LGALS2: variants seen among roughly 807,000 people sequenced by gnomAD.
LGALS2 encodes galectin-2.
A neutral mutation model predicts 10.1 loss-of-function variants in LGALS2; 7 were observed. The observed-to-expected ratio is 0.70, with a 90% CI of 0.40 to 1.31. LGALS2 has a LOEUF of 1.31. Ranked by LOEUF, LGALS2 falls within the 50% of genes most tolerant of loss-of-function variation. LGALS2 has a pLI of 0.01. For missense variants in LGALS2, 167 were observed against 163.6 expected (o/e 1.02, Z -0.11); for synonymous variants, 86 against 64.2 (o/e 1.34, Z -1.63).
At chr22:37,574,678 G>A (rs1925614773) in intron 1 of LGALS2, among the ~76,000 whole-genome samples, 1 of 152,026 alleles carries the variant, frequency 6.6e-6, no homozygotes, top group African/African-American at 2.4e-5. Flanking sequence ...GAAAAAGCAT[G>A]ATCTGAGATG....
At chr22:37,573,125 G>A (rs1925554986) in intron 1 of LGALS2, among the ~76,000 whole-genome samples, 1 of 149,162 alleles carries the variant, frequency 6.7e-6, no homozygotes, top group Non-Finnish European at 1.5e-5. Context: ...GCAAAAATTA[G>A]CCAGGTGTGG....
chr22:37,575,779 C>G (rs1248345310), intron 1 of LGALS2, among the ~76,000 whole-genome samples: 2 of 152,136 alleles, frequency 1.3e-5, no homozygotes. Flanking sequence ...ATAAGAGACG[C>G]CTGGAGGAGG....
chr22:37,575,706 C>T (rs959629719), intron 1 of LGALS2, among the ~76,000 whole-genome samples: 5 of 151,950 alleles, frequency 3.3e-5, no homozygotes, highest in Non-Finnish European at 5.9e-5. Flanking sequence ...CCTCCCACCT[C>T]GGCCTCCCAA....
At chr22:37,577,220 C>G (rs569154060) in intron 1 of LGALS2, among the ~76,000 whole-genome samples, 1 of 152,238 alleles carries the variant, frequency 6.6e-6, no homozygotes, top group East Asian at 1.9e-4. Context: ...CAGTCCTCCC[C>G]GAGAGGCAGA....
At chr22:37,576,016 C>G (rs895352732) in intron 1 of LGALS2, among the ~76,000 whole-genome samples, 1 of 152,202 alleles carries the variant, frequency 6.6e-6, no homozygotes, top group East Asian at 1.9e-4. Flanking sequence ...TGTCTCCAGA[C>G]AGGGTCCGTT....
chr22:37,575,750 C>T (rs908384962), intron 1 of LGALS2, among the ~76,000 whole-genome samples: 9 of 152,258 alleles, frequency 5.9e-5, no homozygotes, highest in Non-Finnish European at 1.2e-4. Context: ...CCACTGTGCC[C>T]GGCCTGGCAG....
chr22:37,579,764 G>T, intron 1 of LGALS2, 136 bp downstream of exon 1: 2 of 905,852 alleles, frequency 2.2e-6, no homozygotes, highest in Non-Finnish European at 3.3e-6. Flanking sequence ...AAAGACCTCT[G>T]TCCAACTTCT....
chr22:37,572,045 C>T, intron 1 of LGALS2, 114 bp from the exon 2 acceptor site: 1 of 838,122 alleles, frequency 1.2e-6, no homozygotes, highest in Non-Finnish European at 2.0e-6. Context: ...ATCCCCCTGC[C>T]CACGTGAGGA....
chr22:37,572,967 A>G (rs1183144983), intron 1 of LGALS2, among the ~76,000 whole-genome samples: 3 of 145,020 alleles, frequency 2.1e-5, no homozygotes, highest in Non-Finnish European at 4.5e-5. Flanking sequence ...GTGACTTTTC[A>G]TCTCAAAGAA....
chr22:37,575,501 C>T (rs1925646860), intron 1 of LGALS2, among the ~76,000 whole-genome samples: 1 of 152,144 alleles, frequency 6.6e-6, no homozygotes, highest in Non-Finnish European at 1.5e-5. Flanking sequence ...TGCTCTGTCA[C>T]CCAGGCTAGA....
At position 37,574,261 on chromosome 22, in the gene LGALS2, A is replaced by G. The variant is rs577005075; in HGVS notation, c.7-2330T>C. ...CTGGGAGCGGTGGCTCACGCCTGTAATCCCAGCACTTTGGGAGGCTGAGTC... is the reference window on the plus strand; with the variant it reads ...CTGGGAGCGGTGGCTCACGCCTGTAGTCCCAGCACTTTGGGAGGCTGAGTC... On this transcript the variant is annotated intron_variant, in intron 1 of 3. Transcript: ENST00000215886. Among the ~76,000 whole-genome samples the G allele has an allele frequency of 9.1e-3, 1,376 of 151,752 alleles. 24 individuals carry two copies. The highest frequency in any genetic ancestry group is 0.031 in the African/African-American group (1,304 of 41,444).
intron 2 of LGALS2, 45 bp from the exon 3 acceptor site, chr22:37,570,780 G>A (rs200522992): frequency 1.4e-5 from 23 of 1,611,088 alleles, no homozygotes; most frequent in Non-Finnish European, 1.7e-5. Context: ...CTCAGGCCTG[G>A]ATAAAGCAGC....
At chr22:37,577,188 G>C (rs968725) in intron 1 of LGALS2, among the ~76,000 whole-genome samples, 131,657 of 151,944 alleles carry the variant, frequency 0.87, 57,437 homozygotes, top group Admixed American at 0.91. Context: ...AAGAGAAGGT[G>C]GGGAGAGTCC....
chr22:37,576,525 C>T (rs1925687437), intron 1 of LGALS2, among the ~76,000 whole-genome samples: 1 of 151,670 alleles, frequency 6.6e-6, no homozygotes, highest in Admixed American at 6.6e-5. Flanking sequence ...TGAGGTTATC[C>T]AGTGAGGACA....
Position 37,571,870 on chromosome 22 carries a change from C to G in LGALS2, c.68G>C (p.Ser23Thr), listed in dbSNP as rs1203777961. The G allele has an allele frequency of 6.2e-7, 1 of 1,614,124 alleles. No individual in the cohort carries two copies. The highest frequency in any genetic ancestry group is 8.5e-7 in the Non-Finnish European group (1 of 1,179,946). Residue 23 changes from serine to threonine, a missense_variant, in exon 2 of 4, where the codon AGC becomes ACC. Coordinates refer to ENST00000215886, the MANE Select transcript of LGALS2 (RefSeq NM_006498.3). ...KPGSTLKITG[S>T]IADGTDGFVI... Reference sequence around the variant, plus strand: ...TCACCCATCAGTGCCATCGGCGATGCTGCCTGTGATCTTCAGGGTTGACCC... The same window carrying G: ...TCACCCATCAGTGCCATCGGCGATGGTGCCTGTGATCTTCAGGGTTGACCC...
At chr22:37,573,833 C>T (rs188948232) in intron 1 of LGALS2, among the ~76,000 whole-genome samples, 469 of 151,868 alleles carry the variant, frequency 3.1e-3, no homozygotes, top group Non-Finnish European at 5.6e-3. Context: ...CAGGTTCAAG[C>T]GATTCTCCTG....
intron 2 of LGALS2, 122 bp from the exon 3 acceptor site, chr22:37,570,857 G>A: frequency 9.1e-7 from 1 of 1,104,866 alleles, no homozygotes; most frequent in Non-Finnish European, 1.4e-6. Flanking sequence ...TGAGATCTGT[G>A]CCTTAAAACA....
At chr22:37,571,987 T>C in intron 1 of LGALS2, 56 bp from the exon 2 acceptor site, 2 of 1,443,392 alleles carry the variant, frequency 1.4e-6, no homozygotes, top group Non-Finnish European at 2.0e-6. Flanking sequence ...AATCCCACAC[T>C]TGCCCAGCAG....
rs1227102314 is a variant in LGALS2 at position 37,571,933 on chromosome 22, TG to T, written c.7-3del. 6.2e-7 allele frequency: 1 copy of T among 1,613,322 alleles called. No homozygotes were observed. The highest frequency in any genetic ancestry group is 8.5e-7 in the Non-Finnish European group (1 of 1,179,278). On this transcript the variant is annotated splice_polypyrimidine_tract_variant and splice_region_variant and intron_variant, in intron 1 of 3. Coordinates refer to ENST00000215886, the MANE Select transcript of LGALS2 (RefSeq NM_006498.3). ...CATGTTCTTAACCTCAAGTTCCCCC[TG>T]GGCCAACAGAGAAACATTCCACTCG... is the stretch of plus-strand genomic sequence containing the variant.
Sources: gnomAD v4.1 joint callset for allele counts (sites outside exome capture counted in the v4.1 genomes callset) on GRCh38, gnomAD v4.1.1 for gene constraint, MANE v1.5 for transcripts, NCBI Gene and HGNC (gene_info 2026-07-23, HGNC 2026-07-21) for gene names.